SDC3: variants seen among roughly 807,000 people sequenced by gnomAD.
The protein encoded by SDC3 is syndecan-3.
A neutral mutation model predicts 24.4 loss-of-function variants in SDC3; 13 were observed. The ratio of observed to expected loss-of-function variants is 0.53; its 90% CI spans 0.35 to 0.85. SDC3 has a LOEUF of 0.85. SDC3 is among the 40% of genes least tolerant of loss of function. The pLI, the probability that SDC3 is intolerant of heterozygous loss-of-function variation, is 0.01. For synonymous variants in SDC3, 295 were observed against 260.9 expected (o/e 1.13, Z -1.26); for missense variants, 571 against 584.5 (o/e 0.98, Z 0.24).
At chr1:30,905,170 G>A (rs1427043677) in intron 1 of SDC3, among the ~76,000 whole-genome samples, 1 of 152,066 alleles carries the variant, frequency 6.6e-6, no homozygotes, top group Non-Finnish European at 1.5e-5. Flanking sequence ...ATCTCATCCT[G>A]GAAACCCAAG....
chr1:30,885,452 G>A (rs953677923), intron 1 of SDC3, among the ~76,000 whole-genome samples: 30 of 152,088 alleles, frequency 2.0e-4, no homozygotes, highest in Admixed American at 1.8e-3. Context: ...CAATTTCTCC[G>A]ATAAACCCAT....
At chr1:30,890,394 A>G (rs1639887241) in intron 1 of SDC3, among the ~76,000 whole-genome samples, 1 of 152,262 alleles carries the variant, frequency 6.6e-6, no homozygotes, top group Non-Finnish European at 1.5e-5. Flanking sequence ...TGGCCACAAA[A>G]GACCACATAT....
At position 30,902,889 on chromosome 1, in the gene SDC3, T is replaced by C. The variant is rs762897553; in HGVS notation, c.138+5560A>G. Among the ~76,000 whole-genome samples, 6 of 152,240 alleles carry C rather than the reference T, an allele frequency of 3.9e-5. No individual in the cohort carries two copies. In the South Asian group the frequency reaches 1.0e-3, roughly 26 times the overall value. On this transcript the variant is annotated intron_variant, in intron 1 of 4. Coordinates refer to ENST00000339394, the MANE Select transcript of SDC3 (RefSeq NM_014654.4). ...CTACACAGGAAAGGACACAAGCCCC[T>C]GCCTGGGCTCCATAGCTCACAGTCC...
At position 30,872,904 on chromosome 1, in the gene SDC3, A is replaced by C. The variant is rs1401485316; in HGVS notation, c.*307T>G. 1 of 375,950 alleles carries C rather than the reference A, an allele frequency of 2.7e-6. No homozygotes were observed. Among genetic ancestry groups the C allele is most frequent in the African/African-American group, 2.0e-5 (1 of 49,374 alleles). 23.3% of individuals were successfully genotyped at this position (375,950 alleles called of 1,614,324 possible). A position where few individuals can be genotyped will look rare whatever the true frequency, so the allele number is the denominator to read the frequency against. On this transcript the variant is annotated 3_prime_UTR_variant, in exon 5 of 5. Transcript: ENST00000339394. ...CTCAAGCCCCACCCTTTCTTCCACC[A>C]CCAGCCAATCAGGAGCTTTCTTCCT...
rs1639563322 is a variant in SDC3, at chr1:30,872,853, G to T, written c.*358C>A. ...AAAGGAGATCTCAGTGAGCACTGTG[G>T]GTGCCAAGTCAGGGCTCAGGCTCAT... On this transcript the variant is annotated 3_prime_UTR_variant, in exon 5 of 5. Transcript: ENST00000339394. 1 of 266,998 alleles carries T rather than the reference G, an allele frequency of 3.7e-6. No homozygotes were observed. Among genetic ancestry groups the T allele is most frequent in the Non-Finnish European group, 7.1e-6 (1 of 140,108 alleles). 16.5% of individuals were successfully genotyped at this position (266,998 alleles called of 1,614,324 possible). A position where few individuals can be genotyped will look rare whatever the true frequency, so the allele number is the denominator to read the frequency against.
Position 30,877,622 on chromosome 1 carries a change from G to T in SDC3, c.257-457C>A, listed in dbSNP as rs539590930. The stretch of plus-strand genomic sequence containing the variant: ...GCTTCCCCCAGAGGCAGAGGCGGAG[G>T]GTAAAAGGGAAAAGAAGCCCTTGAG... On this transcript the variant is annotated intron_variant, in intron 2 of 4. Transcript: ENST00000339394. 24 of 227,538 alleles carry T rather than the reference G, an allele frequency of 1.1e-4. No homozygotes were observed. In the South Asian group the frequency reaches 1.7e-3, roughly 16 times the overall value. 14.1% of individuals were successfully genotyped at this position (227,538 alleles called of 1,614,324 possible). A position where few individuals can be genotyped will look rare whatever the true frequency, so the allele number is the denominator to read the frequency against.
intron 3 of SDC3, among the ~76,000 whole-genome samples, chr1:30,875,473 G>T (rs1203961849): frequency 6.6e-6 from 1 of 152,182 alleles, no homozygotes; most frequent in East Asian, 1.9e-4. Context: ...AGCTGGCTGG[G>T]GAGTCAGAGG....
At position 30,878,578 on chromosome 1, in the gene SDC3, G is replaced by A. The variant is rs193141211; in HGVS notation, c.256+45C>T. The stretch of plus-strand genomic sequence containing the variant: ...CTTCTCAGAGTTGAGGCTGGATACA[G>A]ACTGGTCACTGCCCCCAGGCAGAGG... On this transcript the variant is annotated intron_variant, in intron 2 of 4. Coordinates refer to ENST00000339394, the MANE Select transcript of SDC3 (RefSeq NM_014654.4). 5.1e-5 allele frequency: 77 copies of A among 1,511,404 alleles called. No homozygotes were observed. The African/African-American group carries it at 9.7e-4, about 19-fold the overall frequency. The allele number at this position is 1,511,404 out of a possible 1,614,324, so 93.6% of individuals were successfully genotyped here. A position where few individuals can be genotyped will look rare whatever the true frequency, so the allele number is the denominator to read the frequency against.
intron 1 of SDC3, among the ~76,000 whole-genome samples, chr1:30,907,921 T>G (rs1164587684): frequency 6.6e-6 from 1 of 152,038 alleles, no homozygotes; most frequent in Admixed American, 6.5e-5. Flanking sequence ...CCGATCCGAT[T>G]CCCAAAAAGT....
At position 30,873,085 on chromosome 1, in the gene SDC3, G is replaced by A; in HGVS notation, c.*126C>T. 2.7e-6 allele frequency: 2 copies of A among 730,262 alleles called. No individual in the cohort carries two copies. The highest frequency in any genetic ancestry group is 1.7e-5 in the South Asian group (1 of 60,170). The allele number at this position is 730,262 out of a possible 1,614,324, so 45.2% of individuals were successfully genotyped here. ...GAGGCTGGCAGCCTGGGCAGACCTT[G>A]GGAGAGAGGGCAGAGAAGAACTGGG... On this transcript the variant is annotated 3_prime_UTR_variant, in exon 5 of 5. Coordinates refer to ENST00000339394, the MANE Select transcript of SDC3 (RefSeq NM_014654.4).
Position 30,908,478 on chromosome 1 carries a change from G to T in SDC3, c.109C>A (p.Leu37Met). The change falls in exon 1 of 5, where the codon CTG (leucine) becomes ATG (methionine). Residue 37 changes from leucine (L) to methionine (M), a missense_variant. Leu to Met is a conservative substitution (Grantham distance 15). Coordinates refer to ENST00000339394, the MANE Select transcript of SDC3 (RefSeq NM_014654.4). The stretch of plus-strand genomic sequence containing the variant: ...GCGGCGCGCCCCGCCAGCAGCAGCA[G>T]CAGCAGCGGTGGCAGGAGCAGCCCG... ...ARGLLLPPLLLLLLAGRAAGA... is the reference protein window; with the variant it reads ...ARGLLLPPLLMLLLAGRAAGA... The T allele has an allele frequency of 9.7e-7, 1 of 1,028,128 alleles. No individual in the cohort carries two copies. The highest frequency in any genetic ancestry group is 1.2e-6 in the Non-Finnish European group (1 of 855,666). 63.7% of individuals were successfully genotyped at this position (1,028,128 alleles called of 1,614,324 possible).
At chr1:30,894,661 T>A (rs199749041) in intron 1 of SDC3, among the ~76,000 whole-genome samples, 2 of 74,012 alleles carry the variant, frequency 2.7e-5, no homozygotes, top group Non-Finnish European at 7.5e-5. Flanking sequence ...TGTGTGTGGG[T>A]GAGTGTGTGT....
At chr1:30,905,238 G>T (rs1422159331) in intron 1 of SDC3, among the ~76,000 whole-genome samples, 1 of 152,020 alleles carries the variant, frequency 6.6e-6, no homozygotes, top group African/African-American at 2.4e-5. Flanking sequence ...TTGAAACAGG[G>T]TGAGGAAGGA....
At position 30,877,180 on chromosome 1, in the gene SDC3, G is replaced by T. The variant is rs756997177; in HGVS notation, c.257-15C>A. The T allele has an allele frequency of 6.8e-6, 11 of 1,613,572 alleles. No individual in the cohort carries two copies. Among genetic ancestry groups the T allele is most frequent in the Non-Finnish European group, 9.3e-6 (11 of 1,179,944 alleles). Reference sequence around the variant, plus strand: ...CTGCTCGAAGTCTGAGGGGGTGGGGGAGAGGGAGAGAGCTAGGGAGCTGGG... The same window carrying T: ...CTGCTCGAAGTCTGAGGGGGTGGGGTAGAGGGAGAGAGCTAGGGAGCTGGG... On this transcript the variant is annotated splice_polypyrimidine_tract_variant and intron_variant, in intron 2 of 4. Coordinates refer to ENST00000339394, the MANE Select transcript of SDC3 (RefSeq NM_014654.4).
intron 1 of SDC3, among the ~76,000 whole-genome samples, chr1:30,888,505 C>A (rs996800070): frequency 6.6e-6 from 1 of 152,164 alleles, no homozygotes; most frequent in Non-Finnish European, 1.5e-5. Flanking sequence ...CGGGAGCCTG[C>A]ACAGCTCTGA....
At position 30,878,886 on chromosome 1, in the gene SDC3, G is replaced by A. The variant is rs919875017; in HGVS notation, c.139-146C>T. On this transcript the variant is annotated intron_variant, in intron 1 of 4. Coordinates refer to ENST00000339394, the MANE Select transcript of SDC3 (RefSeq NM_014654.4). ...GTGTGTACCCTGAAGGAAAGTGCGTGTGTGAATAATTCACAGGGCAGGGGT... is the reference window on the plus strand; with the variant it reads ...GTGTGTACCCTGAAGGAAAGTGCGTATGTGAATAATTCACAGGGCAGGGGT... 1.2e-5 allele frequency: 8 copies of A among 660,122 alleles called. No homozygotes were observed. The Admixed American group carries it at 2.0e-4, about 16-fold the overall frequency. The allele number at this position is 660,122 out of a possible 1,614,324, so 40.9% of individuals were successfully genotyped here. A position where few individuals can be genotyped will look rare whatever the true frequency, so the allele number is the denominator to read the frequency against.
chr1:30,888,707 T>G (rs2124327635), intron 1 of SDC3, among the ~76,000 whole-genome samples: 1 of 152,270 alleles, frequency 6.6e-6, no homozygotes, highest in East Asian at 1.9e-4. Flanking sequence ...CAGCCCAAAC[T>G]CACACACAGT....
At chr1:30,904,484 GTTTT>G (rs1237688861) in intron 1 of SDC3, among the ~76,000 whole-genome samples, 7 of 151,800 alleles carry the variant, frequency 4.6e-5, no homozygotes, top group Non-Finnish European at 7.4e-5. Context: ...CATTTTTTTT[GTTTT>G]TTGTTTGTTG....
intron 1 of SDC3, among the ~76,000 whole-genome samples, chr1:30,885,791 C>T (rs1476471982): frequency 1.3e-5 from 2 of 152,234 alleles, no homozygotes; most frequent in Non-Finnish European, 2.9e-5. Context: ...TCCCATCAGC[C>T]CTGTTCCTGG....
Sources: gnomAD v4.1 joint callset for allele counts (sites outside exome capture counted in the v4.1 genomes callset) on GRCh38, gnomAD v4.1.1 for gene constraint, MANE v1.5 for transcripts, NCBI Gene and HGNC (gene_info 2026-07-23, HGNC 2026-07-21) for gene names.